WWOX: variants seen among roughly 807,000 people sequenced by gnomAD.
WWOX encodes WW domain-containing oxidoreductase.
In WWOX, 69 loss-of-function variants were observed where a neutral mutation model predicts 46.2. The observed-to-expected ratio is 1.49, with a 90% confidence interval of 1.23 to 1.82. The LOEUF (loss-of-function observed/expected upper bound fraction) is 1.82. Among genes scored for constraint, WWOX ranks in the 40% most tolerant of loss-of-function variants. WWOX has a pLI of 0.00. For missense variants in WWOX, 919 were observed against 542.6 expected (o/e 1.69, Z -6.89); for synonymous variants, 359 against 202.6 (o/e 1.77, Z -6.56).
Position 78,350,971 on chromosome 16 carries a change from T to TAGGCG in WWOX, c.517-35889_517-35888insAGGCG, listed in dbSNP as rs2081172702. On this transcript the variant is annotated intron_variant, in intron 5 of 8. Coordinates refer to ENST00000566780, the MANE Select transcript of WWOX (RefSeq NM_016373.4). ...CTTCACCAGCACTCGCTGTCATTTT[T>TAGGCG]CTTTTTAGTCTTGTCATTTTATTGG... is the stretch of plus-strand genomic sequence containing the variant. Among the ~76,000 whole-genome samples, 4 of 56,198 alleles carry TAGGCG rather than the reference T, an allele frequency of 7.1e-5. 1 individual carries two copies. Among genetic ancestry groups the TAGGCG allele is most frequent in the Non-Finnish European group, 2.3e-4 (4 of 17,562 alleles). The allele number at this position is 56,198 out of a possible 152,430, so 36.9% of individuals were successfully genotyped here. A position where few individuals can be genotyped will look rare whatever the true frequency, so the allele number is the denominator to read the frequency against.
intron 5 of WWOX, among the ~76,000 whole-genome samples, chr16:78,377,397 A>C (rs1443727645): frequency 1.3e-5 from 2 of 152,220 alleles, no homozygotes; most frequent in East Asian, 1.9e-4. Context: ...CCATTATAAT[A>C]AATATTATGA....
At chr16:78,331,711 A>G (rs1479452227) in intron 5 of WWOX, among the ~76,000 whole-genome samples, 1 of 152,178 alleles carries the variant, frequency 6.6e-6, no homozygotes, top group Non-Finnish European at 1.5e-5. Flanking sequence ...CCTGATACAC[A>G]CATTCTTAAA....
At chr16:78,713,553 C>A (rs1273539875) in intron 8 of WWOX, among the ~76,000 whole-genome samples, 1 of 151,894 alleles carries the variant, frequency 6.6e-6, no homozygotes, top group Non-Finnish European at 1.5e-5. Context: ...TTGGATGGTC[C>A]CTAATTCAGT....
intron 8 of WWOX, among the ~76,000 whole-genome samples, chr16:79,003,629 T>C (rs938307191): frequency 6.6e-6 from 1 of 152,156 alleles, no homozygotes; most frequent in Admixed American, 6.6e-5. Context: ...TTTTGTCACA[T>C]GTCCAGGGCT....
At chr16:79,128,652 C>G (rs983702990) in intron 8 of WWOX, among the ~76,000 whole-genome samples, 2 of 152,198 alleles carry the variant, frequency 1.3e-5, no homozygotes, top group Non-Finnish European at 2.9e-5. Context: ...AATGATTTCA[C>G]TCAACTGAGG....
At chr16:78,156,615 C>T (rs2034609458) in intron 4 of WWOX, among the ~76,000 whole-genome samples, 1 of 152,084 alleles carries the variant, frequency 6.6e-6, no homozygotes, top group African/African-American at 2.4e-5. Flanking sequence ...AGGAGCTTAC[C>T]TGAGAAACTG....
chr16:78,902,151 T>G (rs1362908392), intron 8 of WWOX, among the ~76,000 whole-genome samples: 1 of 152,152 alleles, frequency 6.6e-6, no homozygotes, highest in East Asian at 1.9e-4. Flanking sequence ...AGGGAAACAT[T>G]TTTCTTCTGG....
chr16:79,023,763 A>T (rs547848942), intron 8 of WWOX, among the ~76,000 whole-genome samples: 1 of 146,504 alleles, frequency 6.8e-6, no homozygotes, highest in African/African-American at 2.6e-5. Context: ...CTACTAAAAT[A>T]TGGTGATACC....
chr16:78,378,700 G>C (rs2081885307), intron 5 of WWOX, among the ~76,000 whole-genome samples: 2 of 152,216 alleles, frequency 1.3e-5, no homozygotes, highest in African/African-American at 2.4e-5. Flanking sequence ...TATGTAAAGC[G>C]GAAGGGTGAG....
chr16:78,491,235 C>T (rs936485459), intron 8 of WWOX, among the ~76,000 whole-genome samples: 8 of 152,200 alleles, frequency 5.3e-5, no homozygotes, highest in Non-Finnish European at 1.2e-4. Context: ...ATCACCTTCC[C>T]TCTCAGTCAG....
intron 8 of WWOX, among the ~76,000 whole-genome samples, chr16:79,163,816 A>AAAAAAAAAAAAAAAAG (rs1294854077): frequency 1.6e-5 from 2 of 124,530 alleles, no homozygotes; most frequent in Non-Finnish European, 1.5e-5. Context: ...AAAAAAAAAA[A>AAAAAAAAAAAAAAAAG]AGAGAGAGAG....
intron 8 of WWOX, among the ~76,000 whole-genome samples, chr16:78,641,106 C>T (rs1275155281): frequency 6.6e-6 from 1 of 152,102 alleles, no homozygotes; most frequent in African/African-American, 2.4e-5. Flanking sequence ...GGGAGAGAAG[C>T]AGGCTGTGGT....
At chr16:78,225,907 C>T (rs1158888121) in intron 5 of WWOX, among the ~76,000 whole-genome samples, 2 of 152,148 alleles carry the variant, frequency 1.3e-5, no homozygotes, top group African/African-American at 4.8e-5. Flanking sequence ...TTCTATTCTA[C>T]ATCTAAATAG....
intron 8 of WWOX, among the ~76,000 whole-genome samples, chr16:78,716,621 C>G (rs568727998): frequency 6.6e-6 from 1 of 152,174 alleles, no homozygotes; most frequent in African/African-American, 2.4e-5. Context: ...ACCCTCATCT[C>G]TATAGGTTCT....
intron 5 of WWOX, among the ~76,000 whole-genome samples, chr16:78,187,624 A>C (rs1012875026): frequency 2.0e-5 from 3 of 152,262 alleles, no homozygotes; most frequent in Middle Eastern, 6.8e-3. Flanking sequence ...CTCTGTCCCC[A>C]AAAAAAGACG....
intron 6 of WWOX, among the ~76,000 whole-genome samples, chr16:78,389,703 C>T (rs951380603): frequency 6.6e-6 from 1 of 152,000 alleles, no homozygotes; most frequent in Admixed American, 6.6e-5. Flanking sequence ...TTAGCCTCTT[C>T]ACGGCTCCAA....
intron 8 of WWOX, among the ~76,000 whole-genome samples, chr16:78,722,281 C>G (rs1043519718): frequency 2.1e-4 from 32 of 152,256 alleles, no homozygotes; most frequent in African/African-American, 7.7e-4. Flanking sequence ...CTGGCGCTTA[C>G]CAGTTTTCTC....
At chr16:78,127,992 A>G (rs891299004) in intron 4 of WWOX, among the ~76,000 whole-genome samples, 1 of 152,214 alleles carries the variant, frequency 6.6e-6, no homozygotes, top group Non-Finnish European at 1.5e-5. Flanking sequence ...ACTGTTTTGT[A>G]CAGATCAAGT....
At chr16:79,052,050 T>TA (rs2048177487) in intron 8 of WWOX, among the ~76,000 whole-genome samples, 2 of 145,740 alleles carry the variant, frequency 1.4e-5, no homozygotes, top group Admixed American at 7.0e-5. Flanking sequence ...TTTTTTTTTT[T>TA]AATTATACTT....
Sources: allele counts gnomAD v4.1 joint callset (sites outside exome capture counted in the v4.1 genomes callset), GRCh38; gene constraint gnomAD v4.1.1; transcripts MANE v1.5; gene names NCBI Gene and HGNC (gene_info 2026-07-23, HGNC 2026-07-21).